The following SH3RF3 variants were observed in gnomAD, a reference collection of about 807,000 sequenced individuals.
The protein encoded by SH3RF3 is SH3 domain containing ring finger 3.
A neutral mutation model predicts 66.3 loss-of-function variants in SH3RF3; 29 were observed. That is an observed-to-expected ratio of 0.44 (90% CI 0.33 to 0.60). SH3RF3 has a LOEUF of 0.60. Among genes scored for constraint, SH3RF3 ranks in the 20% least tolerant of loss-of-function variants. The pLI, the probability that SH3RF3 is intolerant of heterozygous loss-of-function variation, is 0.04. For synonymous variants in SH3RF3, 583 were observed against 532.0 expected (o/e 1.10, Z -1.32); for missense variants, 1,194 against 1,190.9 (o/e 1.00, Z -0.04).
At chr2:109,189,922 A>T (rs1381931852) in intron 1 of SH3RF3, among the ~76,000 whole-genome samples, 1 of 152,148 alleles carries the variant, frequency 6.6e-6, no homozygotes, top group Non-Finnish European at 1.5e-5. Context: ...TGCCTAATGG[A>T]TGCCTCCATG....
chr2:109,436,943 C>T lies in SH3RF3; in HGVS notation c.1625C>T (p.Ser542Phe), dbSNP rs1301299800. Residue 542 changes from serine to phenylalanine, a missense_variant, in exon 7 of 10, where the codon TCT becomes TTT. Ser to Phe is a radical substitution (Grantham distance 155). Transcript: ENST00000309415. ...GPPRNNVVGG[S>F]PLAKGITTTM... ...CCCCGGAATAATGTAGTCGGAGGGT[C>T]TCCACTGGCCAAAGGGATAACCACA... 3.1e-6 allele frequency: 5 copies of T among 1,613,796 alleles called. No individual in the cohort carries two copies. In the Admixed American group the frequency reaches 8.3e-5, roughly 27 times the overall value.
chr2:109,192,636 A>T lies in SH3RF3; in HGVS notation c.573+62523A>T, dbSNP rs900808345. On this transcript the variant is annotated intron_variant, in intron 1 of 9. Transcript: ENST00000309415. ...AGAGAAGCTGGAAGTAAATATACAG[A>T]AGGTAATGCAAATAGGCCTTCCAAC... is the stretch of plus-strand genomic sequence containing the variant. 5.9e-5 allele frequency among the ~76,000 whole-genome samples: 9 copies of T among 152,314 alleles called. No homozygotes were observed. In the East Asian group the frequency reaches 1.7e-3, roughly 29 times the overall value.
chr2:109,443,638 AATT>A (rs1677632991), intron 7 of SH3RF3, among the ~76,000 whole-genome samples: 1 of 152,248 alleles, frequency 6.6e-6, no homozygotes, highest in South Asian at 2.1e-4. Context: ...AATTTATAAA[AATT>A]ATTAGAGATA....
At chr2:109,329,946 A>G (rs191643063) in intron 1 of SH3RF3, among the ~76,000 whole-genome samples, 22 of 152,322 alleles carry the variant, frequency 1.4e-4, no homozygotes, top group Admixed American at 9.8e-4. Flanking sequence ...ACTTTCTTCA[A>G]TGGGTTCTTG....
At position 109,347,910 on chromosome 2, in the gene SH3RF3, G is replaced by A. The variant is rs1194519623; in HGVS notation, c.810G>A (p.Lys270=). The A allele has an allele frequency of 6.2e-7, 1 of 1,610,246 alleles. No homozygotes were observed. Among genetic ancestry groups the A allele is most frequent in the East Asian group, 2.2e-5 (1 of 44,702 alleles). ...QGKALYDFEM[K]DKDQDKDCLT... is the part of the protein sequence containing the mutation. ...AAGCACTTTATGATTTCGAGATGAA[G>A]GACAAAGACCAAGACAAGGACTGTC... Residue 270 remains lysine (K), a synonymous_variant, in exon 2 of 10, where the codon AAG becomes AAA. Transcript: ENST00000309415.
intron 1 of SH3RF3, among the ~76,000 whole-genome samples, chr2:109,325,664 A>G (rs1043221694): frequency 2.6e-5 from 4 of 152,154 alleles, no homozygotes; most frequent in Non-Finnish European, 5.9e-5. Flanking sequence ...ACTGATCGCT[A>G]GAAGGTTCTT....
chr2:109,424,733 T>C (rs1382872830), intron 5 of SH3RF3, among the ~76,000 whole-genome samples: 1 of 152,210 alleles, frequency 6.6e-6, no homozygotes, highest in South Asian at 2.1e-4. Context: ...ATGTGTATGT[T>C]CTGACGGCTC....
intron 1 of SH3RF3, among the ~76,000 whole-genome samples, chr2:109,190,861 G>A (rs183390405): frequency 6.6e-6 from 1 of 151,928 alleles, no homozygotes; most frequent in Middle Eastern, 3.4e-3. Context: ...AGCACTTACT[G>A]TATGTAAAGC....
intron 8 of SH3RF3, among the ~76,000 whole-genome samples, chr2:109,486,855 C>T (rs529382224): frequency 2.6e-5 from 4 of 152,324 alleles, no homozygotes; most frequent in East Asian, 3.9e-4. Context: ...GCACCTTTCT[C>T]GGCAGATCTG....
At chr2:109,435,265 C>T (rs1011150002) in intron 6 of SH3RF3, among the ~76,000 whole-genome samples, 2 of 152,182 alleles carry the variant, frequency 1.3e-5, no homozygotes, top group Admixed American at 6.5e-5. Flanking sequence ...AATCTGGCCT[C>T]GGTCTTTATC....
rs183792713 is a variant in SH3RF3 at position 109,248,591 on chromosome 2, C to T, written c.574-99083C>T. On this transcript the variant is annotated intron_variant, in intron 1 of 9. Coordinates refer to ENST00000309415, the MANE Select transcript of SH3RF3 (RefSeq NM_001099289.3). The stretch of plus-strand genomic sequence containing the variant: ...TGCAATGCAGACAGAAACCTTGAGA[C>T]ATTAATTGACCAAACATGTATATTA... Among the ~76,000 whole-genome samples, 166 of 152,334 alleles carry T rather than the reference C, an allele frequency of 1.1e-3. 1 individual carries two copies. The highest frequency in any genetic ancestry group is 3.8e-3 in the African/African-American group (157 of 41,578).
chr2:109,226,248 A>AT (rs1034555073), intron 1 of SH3RF3, among the ~76,000 whole-genome samples: 7 of 152,074 alleles, frequency 4.6e-5, no homozygotes, highest in South Asian at 2.1e-4. Flanking sequence ...CTCCTTTTAC[A>AT]TTTTTTTTGT....
chr2:109,171,638 C>T (rs2069246), intron 1 of SH3RF3, among the ~76,000 whole-genome samples: 39,761 of 152,124 alleles, frequency 0.26, 5,536 homozygotes, highest in East Asian at 0.42. Flanking sequence ...ATTTCCTGTG[C>T]GGGAATGAAT....
At chr2:109,326,780 G>T (rs913888514) in intron 1 of SH3RF3, among the ~76,000 whole-genome samples, 1 of 152,222 alleles carries the variant, frequency 6.6e-6, no homozygotes, top group Non-Finnish European at 1.5e-5. Context: ...AACTGTTTCA[G>T]TCCTTCCCAA....
intron 8 of SH3RF3, among the ~76,000 whole-genome samples, chr2:109,483,489 C>T (rs945788447): frequency 6.6e-6 from 1 of 152,204 alleles, no homozygotes; most frequent in Admixed American, 6.5e-5. Flanking sequence ...TGGCACCTTC[C>T]GCCTGTTTTC....
chr2:109,466,741 G>A (rs186067362), intron 8 of SH3RF3, among the ~76,000 whole-genome samples: 1 of 152,296 alleles, frequency 6.6e-6, no homozygotes, highest in African/African-American at 2.4e-5. Flanking sequence ...CATTCTGAGT[G>A]TGTGCATTTG....
At chr2:109,175,070 A>G (rs1677885071) in intron 1 of SH3RF3, among the ~76,000 whole-genome samples, 1 of 150,558 alleles carries the variant, frequency 6.6e-6, no homozygotes, top group Non-Finnish European at 1.5e-5. Context: ...CCATATTTAA[A>G]TGATTTTGAG....
chr2:109,217,860 C>A (rs1445276732), intron 1 of SH3RF3, among the ~76,000 whole-genome samples: 1 of 152,220 alleles, frequency 6.6e-6, no homozygotes, highest in Non-Finnish European at 1.5e-5. Context: ...CCCATCTCCC[C>A]CATACAGGGG....
At chr2:109,475,490 C>T (rs1161801030) in intron 8 of SH3RF3, among the ~76,000 whole-genome samples, 3 of 152,216 alleles carry the variant, frequency 2.0e-5, no homozygotes, top group Admixed American at 6.5e-5. Flanking sequence ...CAGCCTGGGG[C>T]GCTGAAGCCA....
Sources: gnomAD v4.1 joint callset for allele counts (sites outside exome capture counted in the v4.1 genomes callset) on GRCh38, gnomAD v4.1.1 for gene constraint, MANE v1.5 for transcripts, NCBI Gene and HGNC (gene_info 2026-07-23, HGNC 2026-07-21) for gene names.